ZNF674: variants seen among roughly 807,000 people sequenced by gnomAD.
The protein encoded by ZNF674 is zinc finger protein 674.
In ZNF674, 2 loss-of-function variants were observed where a neutral mutation model predicts 7.0. That is an observed-to-expected ratio of 0.29 (90% CI 0.12 to 0.90). The LOEUF is 0.90. Among genes scored for constraint, ZNF674 ranks in the 40% least tolerant of loss-of-function variants. The probability of loss-of-function intolerance (pLI) is 0.57; values close to 1 mark genes in which losing one functional copy is unlikely to be tolerated. For missense variants in ZNF674, 297 were observed against 415.5 expected, an observed-to-expected ratio of 0.71 and a Z score of 2.48; for synonymous variants, 103 against 145.2, an observed-to-expected ratio of 0.71 and a Z score of 2.09.
chrX:46,531,837 TAATAAAATAA>T (rs915823841), intron 3 of ZNF674, among the ~76,000 whole-genome samples: 3 of 109,887 alleles, frequency 2.7e-5, no homozygotes, highest in Non-Finnish European at 3.8e-5. Flanking sequence ...TAATAAAAAA[TAATAAAATAA>T]AATAAAATAA....
In ZNF674 at chrX:46,501,186, C is replaced by T; in HGVS notation, c.388G>A (p.Asp130Asn). ...ICRKIIYLNT[D>N]FVSVKQRLPK... ...AGTCTTTGTTTTACAGAAACAAAGT[C>T]TGTGTTGAGATAAATGATTTTTCTA... Residue 130 changes from aspartate (D) to asparagine (N), a missense_variant, in exon 6 of 6, where the codon GAC becomes AAC. Asp to Asn is a conservative substitution (Grantham distance 23). Coordinates refer to ENST00000683375, the MANE Select transcript of ZNF674 (RefSeq NM_001190417.2). The T allele has an allele frequency of 1.7e-6, 2 of 1,210,218 alleles. No individual in the cohort carries two copies. Among genetic ancestry groups the T allele is most frequent in the Non-Finnish European group, 2.2e-6 (2 of 894,650 alleles).
At chrX:46,518,060 A>C (rs1204795709) in intron 5 of ZNF674, among the ~76,000 whole-genome samples, 1 of 111,626 alleles carries the variant, frequency 9.0e-6, no homozygotes, top group African/African-American at 3.3e-5. Context: ...AGGAAAATTA[A>C]GAGATTTTTG....
chrX:46,528,975 C>T (rs1465690082), intron 3 of ZNF674, 66 bp from the exon 4 acceptor site: 36 of 1,208,462 alleles, frequency 3.0e-5, no homozygotes, highest in Non-Finnish European at 3.9e-5. Context: ...TGGCACCTCA[C>T]ACACACGGAG....
At chrX:46,504,976 G>A (rs755245316) in intron 5 of ZNF674, among the ~76,000 whole-genome samples, 24 of 108,957 alleles carry the variant, frequency 2.2e-4, no homozygotes, top group Non-Finnish European at 3.8e-4. Flanking sequence ...TGCAACCTCC[G>A]CCTCCCGAGT....
chrX:46,504,031 C>T (rs933131521), intron 5 of ZNF674, among the ~76,000 whole-genome samples: 1 of 109,538 alleles, frequency 9.1e-6, no homozygotes, highest in Non-Finnish European at 1.9e-5. Context: ...AAAGTAAGAC[C>T]CTGTCTCAAA....
intron 1 of ZNF674, among the ~76,000 whole-genome samples, chrX:46,544,934 A>G (rs1166465520): frequency 9.0e-6 from 1 of 111,520 alleles, no homozygotes; most frequent in Non-Finnish European, 1.9e-5. Context: ...CCAGATTTCT[A>G]GTCTGGAGGA....
At chrX:46,529,866 G>A (rs973540750) in intron 3 of ZNF674, among the ~76,000 whole-genome samples, 3 of 111,238 alleles carry the variant, frequency 2.7e-5, no homozygotes, top group African/African-American at 6.5e-5. Flanking sequence ...GACAGAGCAG[G>A]CCTTGCAGGG....
Position 46,500,059 on chromosome X carries a change from T to A in ZNF674, c.1515A>T (p.Ser505=). 1 of 1,211,735 alleles carries A rather than the reference T, an allele frequency of 8.3e-7. No homozygotes were observed. Among genetic ancestry groups the A allele is most frequent in the Admixed American group, 2.2e-5 (1 of 46,061 alleles). ...TDCKKAFSRK[S]TLIKHQRIHT... ...GAATTCTCTGATGTTTGATGAGAGT[T>A]GACTTCCTACTGAAGGCTTTTTTAC... The change falls in exon 6 of 6, where the codon TCA becomes TCT. Residue 505 remains serine, a synonymous_variant. Transcript: ENST00000683375.
At chrX:46,533,549 G>A (rs1036039659) in intron 3 of ZNF674, among the ~76,000 whole-genome samples, 4 of 109,277 alleles carry the variant, frequency 3.7e-5, no homozygotes, top group Middle Eastern at 9.3e-3. Context: ...ATCACTTGAG[G>A]TCAGGAGTTC....
intron 3 of ZNF674, among the ~76,000 whole-genome samples, chrX:46,536,184 G>A (rs1410449148): frequency 8.9e-6 from 1 of 111,826 alleles, no homozygotes; most frequent in Non-Finnish European, 1.9e-5. Context: ...AAAAGGTCTG[G>A]CACAGTGGCT....
intron 5 of ZNF674, chrX:46,523,278 T>C (rs1257688692): frequency 8.7e-6 from 1 of 115,122 alleles, no homozygotes; most frequent in Admixed American, 9.5e-5. Flanking sequence ...TTACAGATCC[T>C]ACAAATATTA....
chrX:46,523,239 C>A, intron 5 of ZNF674: 1 of 126,046 alleles, frequency 7.9e-6, no homozygotes. Flanking sequence ...CAAGAAAAAA[C>A]ATACATTATC....
At chrX:46,525,385 C>T in intron 5 of ZNF674, 1 of 219,622 alleles carries the variant, frequency 4.6e-6, no homozygotes, top group Non-Finnish European at 8.5e-6. Context: ...GGCAGATCAC[C>T]TGAGGCTGGG....
At chrX:46,516,555 C>T (rs987430035) in intron 5 of ZNF674, among the ~76,000 whole-genome samples, 2 of 112,374 alleles carry the variant, frequency 1.8e-5, no homozygotes, top group Non-Finnish European at 3.7e-5. Context: ...TTGAACACTG[C>T]ACAAAGACTG....
At chrX:46,501,755 A>C (rs558701531) in intron 5 of ZNF674, among the ~76,000 whole-genome samples, 33 of 108,976 alleles carry the variant, frequency 3.0e-4, no homozygotes, top group South Asian at 1.2e-3. Context: ...AAAATTTTTC[A>C]GTTTATAGGC....
chrX:46,531,087 AAAC>A (rs1343027001), intron 3 of ZNF674, among the ~76,000 whole-genome samples: 5 of 113,152 alleles, frequency 4.4e-5, no homozygotes, highest in African/African-American at 1.3e-4. Context: ...TGTTTCTCAA[AAAC>A]AACAACAAGG....
chrX:46,517,250 A>C (rs1363035643), intron 5 of ZNF674, among the ~76,000 whole-genome samples: 4 of 110,565 alleles, frequency 3.6e-5, no homozygotes, highest in East Asian at 2.8e-4. Flanking sequence ...GAATGGATAA[A>C]TAGAAGTTCT....
chrX:46,531,096 C>CA (rs776641247), intron 3 of ZNF674, among the ~76,000 whole-genome samples: 7 of 113,252 alleles, frequency 6.2e-5, no homozygotes, highest in African/African-American at 1.9e-4. Flanking sequence ...AAAACAACAA[C>CA]AAGGACAACA....
At chrX:46,528,264 A>G (rs370698257) in intron 5 of ZNF674, 86 bp downstream of exon 5, 120 of 921,601 alleles carry the variant, frequency 1.3e-4, no homozygotes, top group Admixed American at 4.5e-5. Context: ...CTCTGAGAAG[A>G]GCTCCTGAGC....
Sources: gnomAD v4.1 joint callset for allele counts (sites outside exome capture counted in the v4.1 genomes callset) on GRCh38, gnomAD v4.1.1 for gene constraint, MANE v1.5 for transcripts, NCBI Gene and HGNC (gene_info 2026-07-23, HGNC 2026-07-21) for gene names.